MACO1: variants seen among roughly 807,000 people sequenced by gnomAD.
MACO1 encodes macoilin 1.
Under a neutral mutation model 78.7 loss-of-function variants are expected in MACO1, and 14 were observed. That is an observed-to-expected ratio of 0.18 (90% confidence interval 0.12 to 0.28). The LOEUF (loss-of-function observed/expected upper bound fraction) is 0.28. Among genes scored for constraint, MACO1 ranks in the 10% least tolerant of loss-of-function variants. MACO1 has a pLI of 1.00. For synonymous variants in MACO1, 288 were observed against 291.6 expected (o/e 0.99, Z 0.12); for missense variants, 501 against 799.0 (o/e 0.63, Z 4.50).
In MACO1 at chr1:25,456,788, A is replaced by G. The variant is rs753737037; in HGVS notation, c.609A>G (p.Pro203=). 4.3e-6 allele frequency: 7 copies of G among 1,613,874 alleles called. No homozygotes were observed. In the South Asian group the frequency reaches 7.7e-5, roughly 18 times the overall value. Residue 203 remains proline, a synonymous_variant, in exon 5 of 11, where the codon CCA becomes CCG. Transcript: ENST00000374343. ...AACTTCTTCAACAAGCTCTCCCTCC[A>G]GAGCAACAGATGCTACAGAAGCAAG... is the stretch of plus-strand genomic sequence containing the variant. The part of the protein sequence containing the change: ...YMQLLQQALP[P]EQQMLQKQEK...
At chr1:25,497,917 A>G (rs2043552201) in intron 10 of MACO1, among the ~76,000 whole-genome samples, 1 of 152,210 alleles carries the variant, frequency 6.6e-6, no homozygotes, top group Non-Finnish European at 1.5e-5. Flanking sequence ...CCACACCTAT[A>G]TGAACAGAAT....
chr1:25,492,667 T>C lies in MACO1; in HGVS notation c.1792+1083T>C, dbSNP rs138425362. ...ACTTAGGGTTTTACCGTGAGTGCCA[T>C]AGGGGAGCACTGGAAGGCTTCTGAA... On this transcript the variant is annotated intron_variant, in intron 10 of 10. Transcript: ENST00000374343. Among the ~76,000 whole-genome samples the C allele has an allele frequency of 5.6e-4, 85 of 152,144 alleles. 1 individual carries two copies. The East Asian group carries it at 0.015, about 27-fold the overall frequency.
At chr1:25,479,101 T>C (rs1279719940) in intron 6 of MACO1, among the ~76,000 whole-genome samples, 1 of 152,214 alleles carries the variant, frequency 6.6e-6, no homozygotes, top group Non-Finnish European at 1.5e-5. Context: ...CTGCTGAGAT[T>C]AGTTTCAAGG....
At chr1:25,461,436 C>T (rs930662130) in intron 6 of MACO1, among the ~76,000 whole-genome samples, 56 of 152,184 alleles carry the variant, frequency 3.7e-4, no homozygotes, top group Admixed American at 2.6e-3. Context: ...GATCCTGGAC[C>T]TTCTATTTAC....
chr1:25,444,762 T>C (rs1179670636), intron 1 of MACO1, among the ~76,000 whole-genome samples: 1 of 151,978 alleles, frequency 6.6e-6, no homozygotes, highest in African/African-American at 2.4e-5. Context: ...AATTTTTAAA[T>C]TTTTTGTACA....
chr1:25,490,362 T>C (rs780765211), intron 9 of MACO1, among the ~76,000 whole-genome samples: 43 of 152,160 alleles, frequency 2.8e-4, no homozygotes, highest in Admixed American at 9.8e-4. Flanking sequence ...ATCATAAAAA[T>C]ATAAACTCAC....
At chr1:25,439,080 T>A (rs2124569471) in intron 1 of MACO1, among the ~76,000 whole-genome samples, 1 of 152,296 alleles carries the variant, frequency 6.6e-6, no homozygotes, top group South Asian at 2.1e-4. Context: ...TACATTATAT[T>A]ACCTTTTTAA....
At chr1:25,489,359 T>G (rs2043464363) in intron 9 of MACO1, 66 bp downstream of exon 9, 6 of 1,580,450 alleles carry the variant, frequency 3.8e-6, no homozygotes, top group Non-Finnish European at 5.2e-6. Context: ...TTGTGCTCTG[T>G]GTTGCAGTGT....
rs1262350979 is a variant in MACO1, at chr1:25,498,259, T to C, written c.1793-5T>C. The C allele has an allele frequency of 6.2e-7, 1 of 1,614,006 alleles. No individual in the cohort carries two copies. Among genetic ancestry groups the C allele is most frequent in the Non-Finnish European group, 8.5e-7 (1 of 1,180,016 alleles). On this transcript the variant is annotated splice_polypyrimidine_tract_variant and splice_region_variant and intron_variant, in intron 10 of 10. Coordinates refer to ENST00000374343, the MANE Select transcript of MACO1 (RefSeq NM_018202.6). ...TTCACTAATGGTGGGTCTTTGATCT[T>C]ACAGGACAAATCCTTCAGAAAGATC... is the stretch of plus-strand genomic sequence containing the variant.
At chr1:25,474,897 T>TC (rs1421194207) in intron 6 of MACO1, among the ~76,000 whole-genome samples, 2 of 152,260 alleles carry the variant, frequency 1.3e-5, no homozygotes, top group African/African-American at 4.8e-5. Context: ...CAGTGCCTCC[T>TC]CTCCTGCAGT....
At chr1:25,491,362 C>T (rs770948587) in intron 9 of MACO1, 48 bp from the exon 10 acceptor site, 16 of 1,606,100 alleles carry the variant, frequency 1.0e-5, no homozygotes, top group East Asian at 6.7e-5. Flanking sequence ...TTATAGACAT[C>T]GATGCCAAAA....
At position 25,498,889 on chromosome 1, in the gene MACO1, T is replaced by G. The variant is rs2124617409; in HGVS notation, c.*423T>G. On this transcript the variant is annotated 3_prime_UTR_variant, in exon 11 of 11. Coordinates refer to ENST00000374343, the MANE Select transcript of MACO1 (RefSeq NM_018202.6). ...TTCACGTGAGATGATAATGAAAACT[T>G]TTAGTTTAAGAGTGAAGGGTTAAGT... 6.3e-6 allele frequency: 1 copy of G among 158,222 alleles called. No individual in the cohort carries two copies. The highest frequency in any genetic ancestry group is 2.0e-4 in the South Asian group (1 of 5,098). The allele number at this position is 158,222 out of a possible 1,614,324, so 9.8% of individuals were successfully genotyped here.
chr1:25,455,282 A>G (rs1374977273), intron 4 of MACO1, among the ~76,000 whole-genome samples: 2 of 152,188 alleles, frequency 1.3e-5, no homozygotes, highest in African/African-American at 4.8e-5. Context: ...AATCTTAACC[A>G]TGAAACATTT....
chr1:25,458,903 A>G lies in MACO1; in HGVS notation c.1154+11A>G. 6.2e-7 allele frequency: 1 copy of G among 1,603,960 alleles called. No individual in the cohort carries two copies. The highest frequency in any genetic ancestry group is 8.5e-7 in the Non-Finnish European group (1 of 1,174,656). On this transcript the variant is annotated intron_variant, in intron 6 of 10. Coordinates refer to ENST00000374343, the MANE Select transcript of MACO1 (RefSeq NM_018202.6). Reference sequence around the variant, plus strand: ...AGACGCACTGGTCAGGTAAGTGCACATGCTGCATCCTTACTAACACTTTCC... The same window carrying G: ...AGACGCACTGGTCAGGTAAGTGCACGTGCTGCATCCTTACTAACACTTTCC...
chr1:25,431,196 C>G lies in MACO1; in HGVS notation c.80+18C>G, dbSNP rs758701355. The G allele has an allele frequency of 5.1e-6, 8 of 1,578,342 alleles. No homozygotes were observed. In the South Asian group the frequency reaches 6.9e-5, roughly 14 times the overall value. ...TACGGCAGGTGAGCGGCTGCACCCCCACTCCGCGGGCGCGGGCCCTGCGGT... is the reference window on the plus strand; with the variant it reads ...TACGGCAGGTGAGCGGCTGCACCCCGACTCCGCGGGCGCGGGCCCTGCGGT... On this transcript the variant is annotated intron_variant, in intron 1 of 10. Coordinates refer to ENST00000374343, the MANE Select transcript of MACO1 (RefSeq NM_018202.6).
chr1:25,440,313 C>T (rs2042959192), intron 1 of MACO1, among the ~76,000 whole-genome samples: 1 of 148,388 alleles, frequency 6.7e-6, no homozygotes, highest in African/African-American at 2.5e-5. Flanking sequence ...ATAGGAGGAT[C>T]ACTTGAGCCC....
At position 25,491,563 on chromosome 1, in the gene MACO1, C is replaced by T; in HGVS notation, c.1771C>T (p.Arg591Trp). The change falls in exon 10 of 11, where the codon CGG becomes TGG. Residue 591 changes from arginine (R) to tryptophan (W), a missense_variant. This residue lies in a region of MACO1 where 66 missense variants were observed against 101.6 expected (regional missense o/e 0.65). Transcript: ENST00000374343. ...DLFSALGDAK[R>W]QLEIAQGQIL... ...GTTCTCCGCACTGGGCGATGCAAAGCGGCAGCTCGAGATTGCCCAAGGTAG... is the reference window on the plus strand; with the variant it reads ...GTTCTCCGCACTGGGCGATGCAAAGTGGCAGCTCGAGATTGCCCAAGGTAG... The T allele has an allele frequency of 6.2e-7, 1 of 1,614,172 alleles. No homozygotes were observed. The highest frequency in any genetic ancestry group is 8.5e-7 in the Non-Finnish European group (1 of 1,180,018).
chr1:25,480,511 C>G (rs866706380), intron 6 of MACO1, among the ~76,000 whole-genome samples: 9 of 152,140 alleles, frequency 5.9e-5, no homozygotes, highest in Admixed American at 3.3e-4. Flanking sequence ...GTGCACAAAT[C>G]AAGTGTTCCA....
chr1:25,451,896 C>T (rs1356043467), intron 3 of MACO1, among the ~76,000 whole-genome samples: 1 of 149,362 alleles, frequency 6.7e-6, no homozygotes, highest in Non-Finnish European at 1.5e-5. Context: ...CACTCCACTG[C>T]ACTCCAGCCT....
Sources: allele counts gnomAD v4.1 joint callset (sites outside exome capture counted in the v4.1 genomes callset), GRCh38; gene constraint gnomAD v4.1.1; regional missense constraint gnomAD v4.1.1; transcripts MANE v1.5; gene names NCBI Gene and HGNC (gene_info 2026-07-23, HGNC 2026-07-21).